The following ZDHHC24 variants were observed in gnomAD, a reference collection of about 807,000 sequenced individuals.
ZDHHC24 encodes probable palmitoyltransferase ZDHHC24.
A neutral mutation model predicts 23.2 loss-of-function variants in ZDHHC24; 17 were observed. The observed-to-expected ratio is 0.73, with a 90% CI of 0.50 to 1.10. The LOEUF is 1.10. ZDHHC24 is among the 50% of genes least tolerant of loss of function. The pLI is 0.00. For synonymous variants in ZDHHC24, 186 were observed against 194.5 expected, an observed-to-expected ratio of 0.96 and a Z score of 0.36; for missense variants, 366 against 393.0, an observed-to-expected ratio of 0.93 and a Z score of 0.58.
At position 66,539,519 on chromosome 11, in the gene ZDHHC24, C is replaced by T. The variant is rs777285577; in HGVS notation, c.*10G>A. ...CCTTCCTCCCTGCACAGCTCTGGCT[C>T]TTCCTGGAGTCAGGAGGCTGTGTGT... On this transcript the variant is annotated 3_prime_UTR_variant, in exon 3 of 3. Coordinates refer to ENST00000310442, the MANE Select transcript of ZDHHC24 (RefSeq NM_207340.3). 6.5e-7 allele frequency: 1 copy of T among 1,541,356 alleles called. No individual in the cohort carries two copies. The highest frequency in any genetic ancestry group is 8.7e-7 in the Non-Finnish European group (1 of 1,145,114).
At chr11:66,528,860 C>T (rs1256977316) in intron 3 of ZDHHC24, among the ~76,000 whole-genome samples, 4 of 148,300 alleles carry the variant, frequency 2.7e-5, no homozygotes, top group Non-Finnish European at 3.0e-5. Flanking sequence ...TCCAGCTACT[C>T]GGGAGGCTGA....
intron 2 of ZDHHC24, among the ~76,000 whole-genome samples, chr11:66,543,410 T>C (rs185368325): frequency 1.8e-4 from 27 of 152,318 alleles, no homozygotes; most frequent in African/African-American, 6.5e-4. Flanking sequence ...CACTTAGAAA[T>C]GCTCCTAGAA....
chr11:66,524,870 C>G (rs955362229), intron 4 of ZDHHC24, among the ~76,000 whole-genome samples: 1 of 151,846 alleles, frequency 6.6e-6, no homozygotes, highest in Non-Finnish European at 1.5e-5. Flanking sequence ...GCCTGGCCAA[C>G]ATGGTGAAAC....
chr11:66,526,234 T>G, intron 4 of ZDHHC24: 1 of 1,579,954 alleles, frequency 6.3e-7, no homozygotes, highest in South Asian at 1.1e-5. Context: ...AAGTCGGGAG[T>G]GAAGGGACAG....
intron 2 of ZDHHC24, chr11:66,542,393 T>C (rs974749349): frequency 3.9e-5 from 6 of 151,934 alleles, no homozygotes; most frequent in Non-Finnish European, 7.3e-5. Flanking sequence ...GGCAGGAGAA[T>C]GGTGAGAAGG....
downstream of ZDHHC24, chr11:66,532,682 A>T (rs1565291716): frequency 6.5e-6 from 1 of 153,068 alleles, no homozygotes; most frequent in African/African-American, 2.4e-5. Flanking sequence ...TTCAGGGAGA[A>T]GGGGGTGCAG....
intron 2 of ZDHHC24, 27 bp downstream of exon 2, chr11:66,543,677 T>G: frequency 6.5e-7 from 1 of 1,541,344 alleles, no homozygotes; most frequent in Non-Finnish European, 8.8e-7. Flanking sequence ...CCCCTGCCTC[T>G]GTGCAGAGGC....
intron 4 of ZDHHC24, chr11:66,521,557 G>A: frequency 1.5e-6 from 1 of 657,508 alleles, no homozygotes; most frequent in Non-Finnish European, 2.7e-6. Flanking sequence ...TTGTGAGATA[G>A]GGGCTGGCAC....
At chr11:66,523,049 C>T in intron 4 of ZDHHC24, 1 of 420,644 alleles carries the variant, frequency 2.4e-6, no homozygotes, top group South Asian at 1.7e-5. Flanking sequence ...GGCCAGTAAA[C>T]TAAAAACTGC....
downstream of ZDHHC24, chr11:66,531,798 A>G (rs1236378794): frequency 2.5e-6 from 4 of 1,613,490 alleles, no homozygotes; most frequent in Non-Finnish European, 3.4e-6. Context: ...GGAGGACAGT[A>G]AGGGTGAGTG....
rs1241371962 is a variant in ZDHHC24 at position 66,545,518 on chromosome 11, C to T, written c.281+205G>A. Among the ~76,000 whole-genome samples the T allele has an allele frequency of 6.6e-6, 1 of 152,168 alleles. No individual in the cohort carries two copies. Among genetic ancestry groups the T allele is most frequent in the Non-Finnish European group, 1.5e-5 (1 of 68,024 alleles). On this transcript the variant is annotated intron_variant, in intron 1 of 2. Coordinates refer to ENST00000310442, the MANE Select transcript of ZDHHC24 (RefSeq NM_207340.3). This position sits in a 1 kb window ranked among gnomAD's most constrained non-coding sequence, Gnocchi z 4.5. ...GTACCCTTCGTCCCTGTAACAAAAC[C>T]TTGCACCTAGTAGGCTCCCAATAAG...
At chr11:66,533,243 T>G (rs1856853844), downstream of ZDHHC24, 1 of 152,208 alleles carries the variant, frequency 6.6e-6, no homozygotes, top group South Asian at 2.1e-4. Context: ...TTGGTGTCTT[T>G]CTAAAACATA....
At chr11:66,526,228 C>T (rs762634893) in intron 4 of ZDHHC24, 13 of 1,597,394 alleles carry the variant, frequency 8.1e-6, no homozygotes, top group African/African-American at 2.7e-5. Flanking sequence ...GCTTTGAAGT[C>T]GGGAGTGAAG....
chr11:66,539,497 T>G lies in ZDHHC24; in HGVS notation c.*32A>C, dbSNP rs1159524571. ...GTGTGGGGGCCCCCCTCTCACCCCT[T>G]CCTCCCTGCACAGCTCTGGCTCTTC... On this transcript the variant is annotated 3_prime_UTR_variant, in exon 3 of 3. Coordinates refer to ENST00000310442, the MANE Select transcript of ZDHHC24 (RefSeq NM_207340.3). 1 of 1,500,278 alleles carries G rather than the reference T, an allele frequency of 6.7e-7. No individual in the cohort carries two copies. Among genetic ancestry groups the G allele is most frequent in the Non-Finnish European group, 8.9e-7 (1 of 1,126,432 alleles). The allele number at this position is 1,500,278 out of a possible 1,614,324, so 92.9% of individuals were successfully genotyped here. A position where few individuals can be genotyped will look rare whatever the true frequency, so the allele number is the denominator to read the frequency against.
At chr11:66,531,704 G>T (rs1856788934), downstream of ZDHHC24, 1 of 1,614,112 alleles carries the variant, frequency 6.2e-7, no homozygotes, top group African/African-American at 1.3e-5. Flanking sequence ...GACCTTTGTG[G>T]AGAGTCTCAG....
intron 4 of ZDHHC24, among the ~76,000 whole-genome samples, chr11:66,524,712 A>G (rs892727514): frequency 6.6e-6 from 1 of 152,224 alleles, no homozygotes; most frequent in Non-Finnish European, 1.5e-5. Flanking sequence ...GAATCATTAA[A>G]TCAGTTTAGT....
At chr11:66,534,185 G>C (rs1390689661), downstream of ZDHHC24, among the ~76,000 whole-genome samples, 2 of 147,094 alleles carry the variant, frequency 1.4e-5, no homozygotes, top group Admixed American at 6.8e-5. Flanking sequence ...TAGCTCACAC[G>C]TGTAATCCCA....
Position 66,543,832 on chromosome 11 carries a change from A to G in ZDHHC24, c.431T>C (p.Leu144Pro), listed in dbSNP as rs749407098. The G allele has an allele frequency of 1.2e-6, 2 of 1,613,828 alleles. No homozygotes were observed. Among genetic ancestry groups the G allele is most frequent in the South Asian group, 2.2e-5 (2 of 91,070 alleles). The change falls in exon 2 of 3, where the codon CTT becomes CCT. Residue 144 changes from leucine (L) to proline (P), a missense_variant. Leu to Pro is a moderately conservative substitution (Grantham distance 98). Transcript: ENST00000310442. ...GTGGAGCAGGACGCCGGCGGCATGA[A>G]GCAGCAGGCACAGGAAGGGCCGGTA... ...GNYRPFLCLL[L>P]HAAGVLLHVS... is the part of the protein sequence containing the mutation.
chr11:66,520,853 C>G (rs928749488), downstream of ZDHHC24: 1 of 310,668 alleles, frequency 3.2e-6, no homozygotes, highest in Non-Finnish European at 6.3e-6. Flanking sequence ...CTCACCTCAT[C>G]TTCTCATCTG....
Sources: gnomAD v4.1 joint callset for allele counts (sites outside exome capture counted in the v4.1 genomes callset) on GRCh38, gnomAD v4.1.1 for gene constraint, Gnocchi (gnomAD v3.1) non-coding constraint, MANE v1.5 for transcripts, NCBI Gene and HGNC (gene_info 2026-07-23, HGNC 2026-07-21) for gene names.